KAZN: variants seen among roughly 807,000 people sequenced by gnomAD.
KAZN encodes kazrin.
Under a neutral mutation model 87.4 loss-of-function variants are expected in KAZN, and 40 were observed. The observed-to-expected ratio is 0.46, with a 90% CI of 0.36 to 0.60. The LOEUF (loss-of-function observed/expected upper bound fraction) is 0.60. Ranked by LOEUF, KAZN falls within the 20% of genes least tolerant of loss-of-function variation. KAZN has a pLI of 0.00. For synonymous variants in KAZN, 466 were observed against 458.3 expected (o/e 1.02, Z -0.22); for missense variants, 898 against 1,073.9 (o/e 0.84, Z 2.29).
chr1:14,655,012 G>A (rs890990543), intron 1 of KAZN, among the ~76,000 whole-genome samples: 7 of 152,198 alleles, frequency 4.6e-5, no homozygotes, highest in East Asian at 1.9e-4. Context: ...GAGTGAGCCC[G>A]AGAACCTCCT....
chr1:14,067,633 T>TCC (rs36017366), intron 1 of KAZN, among the ~76,000 whole-genome samples: 1 of 151,654 alleles, frequency 6.6e-6, no homozygotes, highest in East Asian at 1.9e-4. Context: ...CTTCTGTCTG[T>TCC]CCCCCCCCAT....
At chr1:14,859,257 C>T (rs1467898792) in intron 1 of KAZN, among the ~76,000 whole-genome samples, 1 of 151,830 alleles carries the variant, frequency 6.6e-6, no homozygotes, top group African/African-American at 2.4e-5. Context: ...GCTCAGTGCA[C>T]GTTCTGTAGC....
At chr1:13,893,829 C>T in intron 1 of KAZN, 9 of 1,521,082 alleles carry the variant, frequency 5.9e-6, no homozygotes, top group South Asian at 2.5e-5. Context: ...CCAAAAACAG[C>T]GGTCTGTGTG....
intron 1 of KAZN, among the ~76,000 whole-genome samples, chr1:14,098,459 C>T (rs772896349): frequency 6.6e-6 from 1 of 152,150 alleles, no homozygotes; most frequent in Non-Finnish European, 1.5e-5. Flanking sequence ...CTGTTTGCAA[C>T]AGAAGGCAAA....
chr1:14,352,552 A>T (rs547166289), intron 2 of KAZN, among the ~76,000 whole-genome samples: 2 of 152,346 alleles, frequency 1.3e-5, no homozygotes, highest in East Asian at 3.9e-4. Flanking sequence ...TTATGCTTTA[A>T]TGCTTATAAG....
chr1:14,624,871 A>C (rs1001345283), intron 1 of KAZN, among the ~76,000 whole-genome samples: 5 of 152,134 alleles, frequency 3.3e-5, no homozygotes, highest in African/African-American at 1.2e-4. Context: ...ACCCAACAGC[A>C]AAAGACCTTA....
At chr1:14,553,363 A>C (rs1308694391) in intron 2 of KAZN, among the ~76,000 whole-genome samples, 1 of 152,138 alleles carries the variant, frequency 6.6e-6, no homozygotes, top group Non-Finnish European at 1.5e-5. Context: ...TGCCTCAAAA[A>C]ACACATATAT....
chr1:13,894,314 C>T (rs1446645590), intron 1 of KAZN, among the ~76,000 whole-genome samples: 1 of 152,014 alleles, frequency 6.6e-6, no homozygotes, highest in African/African-American at 2.4e-5. Context: ...AAATGGCTCA[C>T]GTTTTATACA....
chr1:14,042,657 G>C (rs915716183), intron 1 of KAZN, among the ~76,000 whole-genome samples: 2 of 151,934 alleles, frequency 1.3e-5, no homozygotes, highest in African/African-American at 2.4e-5. Flanking sequence ...CCTATTTGTT[G>C]TGAATTGATT....
At chr1:13,973,204 G>A (rs1212040046) in intron 1 of KAZN, among the ~76,000 whole-genome samples, 1 of 152,098 alleles carries the variant, frequency 6.6e-6, no homozygotes, top group Non-Finnish European at 1.5e-5. Flanking sequence ...CCCTTGACAT[G>A]TATCATCTCA....
chr1:13,954,153 G>A (rs142706689), intron 1 of KAZN, among the ~76,000 whole-genome samples: 2,266 of 152,198 alleles, frequency 0.015, 53 homozygotes, highest in African/African-American at 0.051. Flanking sequence ...GCAGTGAGCC[G>A]AGATTGCGCC....
chr1:14,588,905 G>A (rs934946538), intron 2 of KAZN, among the ~76,000 whole-genome samples: 3 of 152,160 alleles, frequency 2.0e-5, no homozygotes, highest in Admixed American at 1.3e-4. Context: ...GCCTGGACAG[G>A]TACGTTCTTG....
chr1:14,798,472 G>T (rs1645901153), intron 1 of KAZN, among the ~76,000 whole-genome samples: 1 of 85,570 alleles, frequency 1.2e-5, no homozygotes, highest in Non-Finnish European at 2.0e-5. Context: ...CTGTCACCCA[G>T]TCTAGAGTGC....
chr1:14,646,448 A>C (rs1680815145), intron 1 of KAZN, among the ~76,000 whole-genome samples: 5 of 152,202 alleles, frequency 3.3e-5, no homozygotes, highest in Admixed American at 2.0e-4. Context: ...ACTATGGCAG[A>C]AAAGAAGCAT....
intron 3 of KAZN, 91 bp from the exon 4 acceptor site, chr1:15,043,898 C>T: frequency 7.7e-7 from 1 of 1,292,798 alleles, no homozygotes; most frequent in Non-Finnish European, 1.0e-6. Flanking sequence ...CTTCTTTTTC[C>T]ATCTAGGAGT....
At chr1:14,847,491 C>T (rs560688852) in intron 1 of KAZN, among the ~76,000 whole-genome samples, 1 of 152,328 alleles carries the variant, frequency 6.6e-6, no homozygotes, top group East Asian at 1.9e-4. Context: ...TGACTCCCAC[C>T]TCCATAGTCC....
At chr1:14,751,326 T>G (rs1289754990) in intron 1 of KAZN, among the ~76,000 whole-genome samples, 1 of 152,216 alleles carries the variant, frequency 6.6e-6, no homozygotes, top group African/African-American at 2.4e-5. Context: ...TGTAACCTGC[T>G]TTTTCATTCA....
intron 1 of KAZN, among the ~76,000 whole-genome samples, chr1:14,630,047 G>A (rs1679450725): frequency 6.6e-6 from 1 of 151,690 alleles, no homozygotes; most frequent in Non-Finnish European, 1.5e-5. Context: ...CAGTGAACAT[G>A]GCATTGGGAA....
intron 2 of KAZN, among the ~76,000 whole-genome samples, chr1:14,343,754 C>T (rs1399361578): frequency 6.6e-6 from 1 of 152,210 alleles, no homozygotes; most frequent in Non-Finnish European, 1.5e-5. Flanking sequence ...ATTAATTCCT[C>T]TGCTAATTAG....
Sources: allele counts gnomAD v4.1 joint callset (sites outside exome capture counted in the v4.1 genomes callset), GRCh38; gene constraint gnomAD v4.1.1; transcripts MANE v1.5; gene names NCBI Gene and HGNC (gene_info 2026-07-23, HGNC 2026-07-21).